SDC2: variants seen among roughly 807,000 people sequenced by gnomAD.
SDC2 encodes syndecan 2.
SDC2 carries 13 observed loss-of-function variants against 22.2 expected under a neutral mutation model. The ratio of observed to expected loss-of-function variants is 0.59; its 90% CI spans 0.38 to 0.93. SDC2 has a LOEUF of 0.93. Ranked by LOEUF, SDC2 falls within the 40% of genes least tolerant of loss-of-function variation. SDC2 has a pLI of 0.00. For synonymous variants in SDC2, 94 were observed against 92.8 expected, an observed-to-expected ratio of 1.01 and a Z score of -0.07; for missense variants, 235 against 246.8, an observed-to-expected ratio of 0.95 and a Z score of 0.32.
chr8:96,532,248 T>C (rs1418709290), intron 1 of SDC2, among the ~76,000 whole-genome samples: 1 of 152,086 alleles, frequency 6.6e-6, no homozygotes, highest in African/African-American at 2.4e-5. Flanking sequence ...TGAGTTGTCA[T>C]TGAACAGGGA....
intron 1 of SDC2, among the ~76,000 whole-genome samples, chr8:96,578,398 C>T (rs750239853): frequency 2.0e-5 from 3 of 152,174 alleles, no homozygotes; most frequent in Non-Finnish European, 4.4e-5. Flanking sequence ...ACTCAATAGC[C>T]ATATGTGGCT....
At chr8:96,519,129 G>T (rs1813454746) in intron 1 of SDC2, among the ~76,000 whole-genome samples, 1 of 152,152 alleles carries the variant, frequency 6.6e-6, no homozygotes. Flanking sequence ...TCCCTCTGCG[G>T]TGGGAGGAGC....
At chr8:96,592,651 C>T (rs978755405) in intron 1 of SDC2, among the ~76,000 whole-genome samples, 1 of 152,216 alleles carries the variant, frequency 6.6e-6, no homozygotes, top group African/African-American at 2.4e-5. Flanking sequence ...TAATACTAAA[C>T]TCTTACTGAA....
intron 1 of SDC2, among the ~76,000 whole-genome samples, chr8:96,593,094 T>C (rs1814812442): frequency 6.6e-6 from 1 of 152,212 alleles, no homozygotes; most frequent in East Asian, 1.9e-4. Flanking sequence ...AAGAAAGTCC[T>C]AAGTGTTTTG....
chr8:96,526,544 G>A (rs551338342), intron 1 of SDC2, among the ~76,000 whole-genome samples: 1 of 152,252 alleles, frequency 6.6e-6, no homozygotes, highest in South Asian at 2.1e-4. Flanking sequence ...ATCTTTTCCA[G>A]ATTGCAGGAA....
intron 1 of SDC2, among the ~76,000 whole-genome samples, chr8:96,527,591 A>G (rs144056617): frequency 2.6e-5 from 4 of 152,276 alleles, no homozygotes; most frequent in Non-Finnish European, 5.9e-5. Context: ...CTCTTCGTGC[A>G]GGCTGTTCAA....
At chr8:96,519,603 G>A (rs1260124302) in intron 1 of SDC2, among the ~76,000 whole-genome samples, 1 of 151,914 alleles carries the variant, frequency 6.6e-6, no homozygotes, top group Non-Finnish European at 1.5e-5. Flanking sequence ...TTACACTTAA[G>A]TGGTGAAAAA....
intron 1 of SDC2, among the ~76,000 whole-genome samples, chr8:96,503,528 C>G (rs935727482): frequency 6.6e-6 from 1 of 151,724 alleles, no homozygotes; most frequent in Non-Finnish European, 1.5e-5. Flanking sequence ...TGTGTAGATA[C>G]ACATACACAA....
intron 1 of SDC2, among the ~76,000 whole-genome samples, chr8:96,547,074 T>C (rs1813946865): frequency 6.6e-6 from 1 of 152,256 alleles, no homozygotes; most frequent in Non-Finnish European, 1.5e-5. Context: ...AAAGCCATCA[T>C]GCTAGAATGA....
At chr8:96,599,854 C>G (rs1814947077) in intron 2 of SDC2, among the ~76,000 whole-genome samples, 1 of 152,096 alleles carries the variant, frequency 6.6e-6, no homozygotes, top group African/African-American at 2.4e-5. Context: ...AATGAACCGG[C>G]CAGGAGCCGG....
intron 1 of SDC2, among the ~76,000 whole-genome samples, chr8:96,563,748 G>A (rs1044654401): frequency 2.0e-5 from 3 of 152,210 alleles, no homozygotes; most frequent in African/African-American, 7.2e-5. Flanking sequence ...ATTCAGATCT[G>A]TGCATTGGAT....
At chr8:96,497,905 G>C (rs1057035907) in intron 1 of SDC2, among the ~76,000 whole-genome samples, 4 of 152,218 alleles carry the variant, frequency 2.6e-5, no homozygotes, top group Admixed American at 6.5e-5. Context: ...TCCCAAGGCA[G>C]AAGGGTGCAT....
At chr8:96,572,982 C>A (rs967424184) in intron 1 of SDC2, among the ~76,000 whole-genome samples, 2 of 152,156 alleles carry the variant, frequency 1.3e-5, no homozygotes, top group Non-Finnish European at 2.9e-5. Flanking sequence ...AGTTATGACA[C>A]GGACCAGGAA....
chr8:96,550,889 T>G (rs1435702886), intron 1 of SDC2, among the ~76,000 whole-genome samples: 1 of 152,078 alleles, frequency 6.6e-6, no homozygotes, highest in Non-Finnish European at 1.5e-5. Flanking sequence ...CTGATGGGTG[T>G]CCTGATTTTT....
chr8:96,565,349 T>A (rs1214361780), intron 1 of SDC2, among the ~76,000 whole-genome samples: 1 of 151,758 alleles, frequency 6.6e-6, no homozygotes, highest in East Asian at 1.9e-4. Flanking sequence ...CCTCCCAAAG[T>A]GCTGAGATTA....
Position 96,611,337 on chromosome 8 carries a change from A to C in SDC2, c.*1789A>C, listed in dbSNP as rs1815172470. ...GTCAGAAGAAGACAGCAAAAAAAGC[A>C]ACTTTTCCAACATACAATTTACTTT... On this transcript the variant is annotated 3_prime_UTR_variant, in exon 5 of 5. Transcript: ENST00000302190. 6.6e-6 allele frequency: 1 copy of C among 152,596 alleles called. No homozygotes were observed. The highest frequency in any genetic ancestry group is 1.5e-5 in the Non-Finnish European group (1 of 68,052). The allele number at this position is 152,596 out of a possible 1,614,324, so 9.5% of individuals were successfully genotyped here.
intron 1 of SDC2, 69 bp downstream of exon 1, chr8:96,494,400 G>C (rs556048632): frequency 1.4e-6 from 2 of 1,455,906 alleles, no homozygotes; most frequent in African/African-American, 2.8e-5. Flanking sequence ...AGCCCGCAGG[G>C]AATAGGGGAG....
intron 1 of SDC2, among the ~76,000 whole-genome samples, chr8:96,497,399 G>C (rs1416062677): frequency 6.6e-6 from 1 of 152,144 alleles, no homozygotes; most frequent in Admixed American, 6.5e-5. Flanking sequence ...GAAAGATCAG[G>C]CTTGCAGAAA....
intron 1 of SDC2, among the ~76,000 whole-genome samples, chr8:96,514,912 G>C (rs1371506556): frequency 2.0e-5 from 3 of 152,164 alleles, no homozygotes; most frequent in Non-Finnish European, 4.4e-5. Flanking sequence ...TGTGGCCCCG[G>C]GGGTCGGGGA....
Sources: allele counts gnomAD v4.1 joint callset (sites outside exome capture counted in the v4.1 genomes callset), GRCh38; gene constraint gnomAD v4.1.1; transcripts MANE v1.5; gene names NCBI Gene and HGNC (gene_info 2026-07-23, HGNC 2026-07-21).